The following CCDC71 variants were observed in gnomAD, a reference collection of about 807,000 sequenced individuals.
CCDC71 encodes the protein coiled-coil domain containing 71.
For missense variants in CCDC71, 594 were observed against 604.0 expected (o/e 0.98, Z 0.17); for synonymous variants, 257 against 242.2 (o/e 1.06, Z -0.57).
In CCDC71 at chr3:49,162,928, A is replaced by G. The variant is rs1023031547; in HGVS notation, c.1281T>C (p.Arg427=). 2 of 1,614,114 alleles carry G rather than the reference A, an allele frequency of 1.2e-6. No individual in the cohort carries two copies. Among genetic ancestry groups the G allele is most frequent in the African/African-American group, 2.7e-5 (2 of 74,948 alleles). The stretch of plus-strand genomic sequence containing the variant: ...AGGACCGCCTATCTACCTTTATGGC[A>G]CGGAACTTCAGCAGCTTTGCTGTTC... ...GPGTAKLLKF[R]AIKVDRRSSD... Residue 427 remains arginine, a synonymous_variant, in exon 2 of 2, where the codon CGT becomes CGC. Transcript: ENST00000321895.
Position 49,162,556 on chromosome 3 carries a change from A to C in CCDC71, c.*249T>G, listed in dbSNP as rs1189413721. The C allele has an allele frequency of 3.5e-6, 2 of 565,128 alleles. No homozygotes were observed. Among genetic ancestry groups the C allele is most frequent in the Non-Finnish European group, 6.3e-6 (2 of 317,008 alleles). The allele number at this position is 565,128 out of a possible 1,614,324, so 35.0% of individuals were successfully genotyped here. ...AAGGTGGAAAGGTATAAAACGTGAT[A>C]GATGGAACAGTAGACATACAACTTG... On this transcript the variant is annotated 3_prime_UTR_variant, in exon 2 of 2. Transcript: ENST00000321895.
Position 49,162,567 on chromosome 3 carries a change from T to TA in CCDC71, c.*237dup. ...GTATAAAACGTGATAGATGGAACAG[T>TA]AGACATACAACTTGAATAACAAGTC... On this transcript the variant is annotated 3_prime_UTR_variant, in exon 2 of 2. Coordinates refer to ENST00000321895, the MANE Select transcript of CCDC71 (RefSeq NM_022903.4). 1.7e-6 allele frequency: 1 copy of TA among 585,444 alleles called. No individual in the cohort carries two copies. Among genetic ancestry groups the TA allele is most frequent in the Non-Finnish European group, 3.0e-6 (1 of 328,510 alleles). 36.3% of individuals were successfully genotyped at this position (585,444 alleles called of 1,614,324 possible).
chr3:49,163,492 C>T lies in CCDC71; in HGVS notation c.717G>A (p.Leu239=). The change falls in exon 2 of 2, where the codon CTG becomes CTA. Residue 239 remains leucine, a synonymous_variant. Transcript: ENST00000321895. ...RKTTSKGPKC[L]TRKGPGAGPR... ...GTCCAGCCCCAGGGCCTTTGCGAGT[C>T]AGACACTTGGGGCCCTTGCTTGTGG... The T allele has an allele frequency of 6.2e-7, 1 of 1,614,244 alleles. No homozygotes were observed. The highest frequency in any genetic ancestry group is 8.5e-7 in the Non-Finnish European group (1 of 1,180,036).
rs144569622 is a variant in CCDC71 at position 49,163,139 on chromosome 3, C to T, written c.1070G>A (p.Arg357Gln). The T allele has an allele frequency of 4.0e-5, 64 of 1,614,072 alleles. No individual in the cohort carries two copies. The highest frequency in any genetic ancestry group is 6.7e-5 in the African/African-American group (5 of 74,958). Residue 357 changes from arginine to glutamine, a missense_variant, in exon 2 of 2, where the codon CGG (arginine) becomes CAG (glutamine). Transcript: ENST00000321895. ...CCTGCCTCTGCCCCTGGGCTGGGTC[C>T]GAGCCACCTTGGCCTTGGCCCGTAC... The part of the protein sequence containing the change: ...KAVRAKAKVA[R>Q]TQPRGRGRPK...
chr3:49,163,941 C>T lies in CCDC71; in HGVS notation c.268G>A (p.Ala90Thr). 1 of 1,614,130 alleles carries T rather than the reference C, an allele frequency of 6.2e-7. No homozygotes were observed. Among genetic ancestry groups the T allele is most frequent in the Non-Finnish European group, 8.5e-7 (1 of 1,180,040 alleles). The part of the protein sequence containing the change: ...PPSQTKLQAR[A>T]PNPTATSPPA... ...GGTGATGTGGCAGTTGGGTTAGGGG[C>T]ACGAGCTTGCAGTTTCGTCTGGCTT... Residue 90 changes from alanine (A) to threonine (T), a missense_variant, in exon 2 of 2, where the codon GCC becomes ACC. Coordinates refer to ENST00000321895, the MANE Select transcript of CCDC71 (RefSeq NM_022903.4).
chr3:49,163,864 T>C lies in CCDC71; in HGVS notation c.345A>G (p.Thr115=), dbSNP rs1560086159. 1.9e-6 allele frequency: 3 copies of C among 1,614,166 alleles called. No homozygotes were observed. The highest frequency in any genetic ancestry group is 2.5e-6 in the Non-Finnish European group (3 of 1,180,032). Residue 115 remains threonine, a synonymous_variant, in exon 2 of 2, where the codon ACA becomes ACG. Transcript: ENST00000321895. ...TGCCAGATAGCGGCATGGGAAGCAG[T>C]GTGGCCCGACCTGCAGGCAACCGCA... The part of the protein sequence containing the change: ...TAMRLPAGRA[T]LLPMPLSGRL...
chr3:49,162,906 A>G lies in CCDC71; in HGVS notation c.1303T>C (p.Ser435Pro). Reference protein sequence around the residue: ...KFRAIKVDRRSSDDEVRQRAQ... With the variant: ...KFRAIKVDRRPSDDEVRQRAQ... ...CGCTGCCGCACCTCATCATCCGAGG[A>G]CCGCCTATCTACCTTTATGGCACGG... Residue 435 changes from serine to proline, a missense_variant, in exon 2 of 2, where the codon TCC (serine) becomes CCC (proline). By Grantham distance (74) the Ser-to-Pro change is moderately conservative. Coordinates refer to ENST00000321895, the MANE Select transcript of CCDC71 (RefSeq NM_022903.4). The G allele has an allele frequency of 6.2e-7, 1 of 1,614,226 alleles. No individual in the cohort carries two copies. The highest frequency in any genetic ancestry group is 8.5e-7 in the Non-Finnish European group (1 of 1,180,050).
At chr3:49,165,481 T>G (rs1433988816) in intron 1 of CCDC71, among the ~76,000 whole-genome samples, 5 of 152,224 alleles carry the variant, frequency 3.3e-5, no homozygotes, top group African/African-American at 1.2e-4. Flanking sequence ...TCAGCCAGGA[T>G]CAGGCAGGTC....
rs2045699404 is a variant in CCDC71, at chr3:49,162,929, CG to C, written c.1279del (p.Arg427ValfsTer3). ...GGACCGCCTATCTACCTTTATGGCA[CG>C]GAACTTCAGCAGCTTTGCTGTTCCA... The part of the protein sequence containing the change: ...GPGTAKLLKF[R>X]AIKVDRRSSD... On this transcript the variant is annotated frameshift_variant, in exon 2 of 2. Coordinates refer to ENST00000321895, the MANE Select transcript of CCDC71 (RefSeq NM_022903.4). LOFTEE classifies it high-confidence loss of function. 3 of 1,614,268 alleles carry C rather than the reference CG, an allele frequency of 1.9e-6. No individual in the cohort carries two copies. Among genetic ancestry groups the C allele is most frequent in the Non-Finnish European group, 2.5e-6 (3 of 1,180,052 alleles).
chr3:49,162,984 G>A lies in CCDC71; in HGVS notation c.1225C>T (p.Pro409Ser), dbSNP rs2107654057. ...LPPKKRTRLG[P>S]RSPKAWLGPG... Reference sequence around the variant, plus strand: ...CCTAGCCATGCCTTAGGAGATCGGGGCCCAAGCCGTGTTCTCTTCTTGGGA... The same window carrying A: ...CCTAGCCATGCCTTAGGAGATCGGGACCCAAGCCGTGTTCTCTTCTTGGGA... Residue 409 changes from proline (P) to serine (S), a missense_variant, in exon 2 of 2, where the codon CCC (proline) becomes TCC (serine). Physicochemically the swap from Pro to Ser is moderately conservative, Grantham distance 74. Transcript: ENST00000321895. The A allele has an allele frequency of 6.2e-7, 1 of 1,614,258 alleles. No homozygotes were observed. Among genetic ancestry groups the A allele is most frequent in the Middle Eastern group, 1.6e-4 (1 of 6,062 alleles).
At chr3:49,164,872 C>T (rs2045713936) in intron 1 of CCDC71, among the ~76,000 whole-genome samples, 1 of 152,156 alleles carries the variant, frequency 6.6e-6, no homozygotes, top group Non-Finnish European at 1.5e-5. Context: ...GGTGAAAAAA[C>T]AGGCGAGGAT....
Position 49,163,878 on chromosome 3 carries a change from C to T in CCDC71, c.331G>A (p.Ala111Thr), listed in dbSNP as rs764139575. 1 of 1,614,200 alleles carries T rather than the reference C, an allele frequency of 6.2e-7. No homozygotes were observed. The highest frequency in any genetic ancestry group is 1.1e-5 in the South Asian group (1 of 91,084). The change falls in exon 2 of 2, where the codon GCA becomes ACA. Residue 111 changes from alanine (A) to threonine (T), a missense_variant. Transcript: ENST00000321895. ...ATGGGAAGCAGTGTGGCCCGACCTG[C>T]AGGCAACCGCATGGCAGTTCGGGGA... ...SAPRTAMRLP[A>T]GRATLLPMPL...
In CCDC71 at chr3:49,163,802, T is replaced by A. The variant is rs748811076; in HGVS notation, c.407A>T (p.His136Leu). ...GCTCAGCAGCAGGTTGGTGGTAGCA[T>A]GCTTGGCAAGGGCTGGTGTGGATGC... Reference protein sequence around the residue: ...AKASTPALAKHATTNLLLSSL... With the variant: ...AKASTPALAKLATTNLLLSSL... Residue 136 changes from histidine (H) to leucine (L), a missense_variant, in exon 2 of 2, where the codon CAT becomes CTT. His to Leu is a moderately conservative substitution (Grantham distance 99, BLOSUM62 -3). Coordinates refer to ENST00000321895, the MANE Select transcript of CCDC71 (RefSeq NM_022903.4). 8.1e-6 allele frequency: 13 copies of A among 1,614,020 alleles called. No individual in the cohort carries two copies. In the Admixed American group the frequency reaches 1.8e-4, roughly 23 times the overall value.
At chr3:49,164,778 A>G (rs1273353565) in intron 1 of CCDC71, among the ~76,000 whole-genome samples, 1 of 152,216 alleles carries the variant, frequency 6.6e-6, no homozygotes, top group Non-Finnish European at 1.5e-5. Flanking sequence ...TTAGATGGAA[A>G]TGGAACAAAA....
At position 49,163,553 on chromosome 3, in the gene CCDC71, C is replaced by T. The variant is rs905242736; in HGVS notation, c.656G>A (p.Gly219Asp). 1 of 1,614,216 alleles carries T rather than the reference C, an allele frequency of 6.2e-7. No homozygotes were observed. Among genetic ancestry groups the T allele is most frequent in the South Asian group, 1.1e-5 (1 of 91,092 alleles). ...AGCTTTGGGCCGAGGGTTCCCCGGACCCTTCCCTGAACTTTTCCGCAGTTT... is the reference window on the plus strand; with the variant it reads ...AGCTTTGGGCCGAGGGTTCCCCGGATCCTTCCCTGAACTTTTCCGCAGTTT... Reference protein sequence around the residue: ...PLKLRKSSGKGPGNPRPKAPR... With the variant: ...PLKLRKSSGKDPGNPRPKAPR... The change falls in exon 2 of 2, where the codon GGT becomes GAT. Residue 219 changes from glycine to aspartate, a missense_variant. Gly to Asp is a moderately conservative substitution (Grantham distance 94). Transcript: ENST00000321895.
At chr3:49,165,015 A>G (rs1311553292) in intron 1 of CCDC71, among the ~76,000 whole-genome samples, 2 of 152,214 alleles carry the variant, frequency 1.3e-5, no homozygotes, top group East Asian at 3.9e-4. Context: ...CCTGCCCACC[A>G]GAAGTTCTGT....
At position 49,166,279 on chromosome 3, in the gene CCDC71, G is replaced by A. The variant is rs2045724259; in HGVS notation, c.-65C>T. ...GGCTCCAACCTACCGGCGCCGCCGCGGGGACCCAAGACGCGCCTCTGCGCC... is the reference window on the plus strand; with the variant it reads ...GGCTCCAACCTACCGGCGCCGCCGCAGGGACCCAAGACGCGCCTCTGCGCC... On this transcript the variant is annotated 5_prime_UTR_variant, in exon 1 of 2. Coordinates refer to ENST00000321895, the MANE Select transcript of CCDC71 (RefSeq NM_022903.4). The surrounding 1 kb of genome is among the most constrained non-coding windows in gnomAD (Gnocchi z 4.0). 1 of 152,098 alleles carries A rather than the reference G, an allele frequency of 6.6e-6. No homozygotes were observed. Among genetic ancestry groups the A allele is most frequent in the South Asian group, 2.1e-4 (1 of 4,830 alleles). 9.4% of individuals were successfully genotyped at this position (152,098 alleles called of 1,614,324 possible).
chr3:49,164,876 C>T (rs530454437), intron 1 of CCDC71, among the ~76,000 whole-genome samples: 1 of 152,258 alleles, frequency 6.6e-6, no homozygotes, highest in African/African-American at 2.4e-5. Context: ...AAAAAACAGG[C>T]GAGGATAGAG....
At position 49,163,116 on chromosome 3, in the gene CCDC71, T is replaced by C. The variant is rs2045700917; in HGVS notation, c.1093A>G (p.Arg365Gly). 1 of 1,614,138 alleles carries C rather than the reference T, an allele frequency of 6.2e-7. No individual in the cohort carries two copies. Among genetic ancestry groups the C allele is most frequent in the Non-Finnish European group, 8.5e-7 (1 of 1,180,052 alleles). ...CTGGCCTTAGCAGATCCCTTTGGCC[T>C]GCCTCTGCCCCTGGGCTGGGTCCGA... ...VARTQPRGRG[R>G]PKGSAKARTT... The change falls in exon 2 of 2, where the codon AGG becomes GGG. Residue 365 changes from arginine (R) to glycine (G), a missense_variant. By Grantham distance (125) the Arg-to-Gly change is moderately radical. Transcript: ENST00000321895.
Sources: gnomAD v4.1 joint callset for allele counts (sites outside exome capture counted in the v4.1 genomes callset) on GRCh38, gnomAD v4.1.1 for gene constraint, Gnocchi (gnomAD v3.1) non-coding constraint, MANE v1.5 for transcripts, NCBI Gene and HGNC (gene_info 2026-07-23, HGNC 2026-07-21) for gene names.